MTCL1: variants seen among roughly 807,000 people sequenced by gnomAD.
MTCL1 encodes microtubule crosslinking factor 1, also known as microtubule cross-linking factor 1.
A neutral mutation model predicts 141.4 loss-of-function variants in MTCL1; 79 were observed. The ratio of observed to expected loss-of-function variants is 0.56; its 90% confidence interval spans 0.47 to 0.67. The LOEUF (loss-of-function observed/expected upper bound fraction) is 0.67, where lower values mean the gene tolerates loss of function less well. MTCL1 is among the 30% of genes least tolerant of loss of function. The pLI is 0.00. For missense variants in MTCL1, 2,177 were observed against 2,113.9 expected, an observed-to-expected ratio of 1.03 and a Z score of -0.59; for synonymous variants, 914 against 875.8, an observed-to-expected ratio of 1.04 and a Z score of -0.77.
At chr18:8,817,472 A>G (rs910355546) in intron 12 of MTCL1, among the ~76,000 whole-genome samples, 1 of 152,146 alleles carries the variant, frequency 6.6e-6, no homozygotes, top group Non-Finnish European at 1.5e-5. Context: ...TCAAAGGTAA[A>G]GATAAATCTC....
Position 8,831,318 on chromosome 18 carries a change from T to C in MTCL1, c.*19-289T>C, listed in dbSNP as rs966774505. 1.1e-5 allele frequency: 14 copies of C among 1,235,726 alleles called. No homozygotes were observed. The African/African-American group carries it at 1.4e-4, about 12-fold the overall frequency. 76.5% of individuals were successfully genotyped at this position (1,235,726 alleles called of 1,614,324 possible). Reference sequence around the variant, plus strand: ...GCCACAGTCACTGTGTCATGCCTTCTGTATACCCCAGCCCAATTCTAAAGG... The same window carrying C: ...GCCACAGTCACTGTGTCATGCCTTCCGTATACCCCAGCCCAATTCTAAAGG... On this transcript the variant is annotated intron_variant, in intron 16 of 16. Transcript: ENST00000359865.
At chr18:8,706,582 C>G (rs1348097393) in exon 1 of MTCL1, 2 of 1,491,584 alleles carry the variant, frequency 1.3e-6, no homozygotes, top group Non-Finnish European at 8.9e-7. Context: ...GCGCTCGCCA[C>G]CGGAGCGACC....
chr18:8,719,001 T>C (rs756622115), intron 3 of MTCL1, among the ~76,000 whole-genome samples: 9 of 151,922 alleles, frequency 5.9e-5, no homozygotes, highest in South Asian at 2.1e-4. Context: ...AAGGCCACTC[T>C]TAAAAGTTGA....
intron 4 of MTCL1, among the ~76,000 whole-genome samples, chr18:8,775,271 C>A (rs1012299075): frequency 6.6e-6 from 1 of 151,922 alleles, no homozygotes; most frequent in Non-Finnish European, 1.5e-5. Flanking sequence ...TCAGCTCATT[C>A]AAATAAAAGA....
intron 4 of MTCL1, among the ~76,000 whole-genome samples, chr18:8,759,387 C>G (rs570273435): frequency 6.6e-6 from 1 of 152,314 alleles, no homozygotes; most frequent in South Asian, 2.1e-4. Flanking sequence ...GGAAAGAATC[C>G]TGTTGATTTC....
At chr18:8,796,260 G>A (rs1598708062) in exon 9 of MTCL1, 1 of 1,614,140 alleles carries the variant, frequency 6.2e-7, no homozygotes, top group Non-Finnish European at 8.5e-7. Context: ...TATGCCTTGA[G>A]GTGGAAAGAA....
chr18:8,817,252 C>CTTTTTTTTTTT (rs35022661), intron 12 of MTCL1, among the ~76,000 whole-genome samples: 1 of 118,260 alleles, frequency 8.5e-6, no homozygotes, highest in African/African-American at 3.2e-5. Context: ...AAAGCCTTCC[C>CTTTTTTTTTTT]TTTTTTTTTT....
rs759621017 is a variant in MTCL1, at chr18:8,828,064, C to T, written c.4723-844C>T. On this transcript the variant is annotated intron_variant, in intron 15 of 16. Coordinates refer to ENST00000359865, the Ensembl canonical transcript of MTCL1. This position sits in a 1 kb window ranked among gnomAD's most constrained non-coding sequence, Gnocchi z 5.2. ...TTTCCATTTCTGTTGGAATTTTCCTCGTTCTAGATTCCAGTGGGATTGTTC... is the reference window on the plus strand; with the variant it reads ...TTTCCATTTCTGTTGGAATTTTCCTTGTTCTAGATTCCAGTGGGATTGTTC... 2.0e-5 allele frequency among the ~76,000 whole-genome samples: 3 copies of T among 152,286 alleles called. No homozygotes were observed. The highest frequency in any genetic ancestry group is 4.2e-4 in the South Asian group (2 of 4,808).
chr18:8,824,974 G>A lies in MTCL1; in HGVS notation c.3464G>A (p.Trp1155Ter). ...ACAGAGCCTTTCCCCGACTCCTCCT[G>A]GTACCTAACCACAAGTGTCACCATG... is the stretch of plus-strand genomic sequence containing the variant. The change falls in exon 15 of 17, where the codon TGG (tryptophan) becomes TAG (stop). Residue 1155 changes from tryptophan to a stop codon, truncating the protein, a stop_gained. Coordinates refer to ENST00000359865, the Ensembl canonical transcript of MTCL1. LOFTEE classifies it high-confidence loss of function. The A allele has an allele frequency of 6.2e-7, 1 of 1,613,456 alleles. No individual in the cohort carries two copies. The highest frequency in any genetic ancestry group is 8.5e-7 in the Non-Finnish European group (1 of 1,180,024).
intron 13 of MTCL1, among the ~76,000 whole-genome samples, chr18:8,820,408 CA>C (rs373662926): frequency 1.7e-4 from 25 of 143,380 alleles, no homozygotes; most frequent in Non-Finnish European, 2.3e-4. Flanking sequence ...AGACTCCATC[CA>C]AAAAAAAAAA....
At chr18:8,804,679 A>G (rs959850100) in intron 10 of MTCL1, among the ~76,000 whole-genome samples, 1 of 152,222 alleles carries the variant, frequency 6.6e-6, no homozygotes, top group Non-Finnish European at 1.5e-5. Context: ...AATATGAACA[A>G]ACTGGCCTTT....
At position 8,830,798 on chromosome 18, in the gene MTCL1, G is replaced by C; in HGVS notation, c.*19-809G>C. 5 of 985,326 alleles carry C rather than the reference G, an allele frequency of 5.1e-6. No individual in the cohort carries two copies. Among genetic ancestry groups the C allele is most frequent in the Non-Finnish European group, 6.0e-6 (5 of 829,922 alleles). The allele number at this position is 985,326 out of a possible 1,614,324, so 61.0% of individuals were successfully genotyped here. A position where few individuals can be genotyped will look rare whatever the true frequency, so the allele number is the denominator to read the frequency against. On this transcript the variant is annotated intron_variant, in intron 16 of 16. Coordinates refer to ENST00000359865, the Ensembl canonical transcript of MTCL1. The surrounding 1 kb of genome is among the most constrained non-coding windows in gnomAD (Gnocchi z 6.4). Reference sequence around the variant, plus strand: ...AGCAAATTCCAAATTTGGGTGTCCTGGTTTTGTAACATGTAAGGACAAGGA... The same window carrying C: ...AGCAAATTCCAAATTTGGGTGTCCTCGTTTTGTAACATGTAAGGACAAGGA...
At chr18:8,728,784 G>C (rs560020991) in intron 4 of MTCL1, among the ~76,000 whole-genome samples, 1,119 of 46,176 alleles carry the variant, frequency 0.024, 10 homozygotes, top group Admixed American at 0.037. Context: ...AGGCTGGAGT[G>C]CAGTGGCGTG....
chr18:8,737,718 A>G (rs149284638), intron 4 of MTCL1, among the ~76,000 whole-genome samples: 452 of 152,310 alleles, frequency 3.0e-3, no homozygotes, highest in African/African-American at 0.01. Flanking sequence ...TGACATACCC[A>G]TGGGGGGAAA....
At chr18:8,723,672 C>T (rs1167801199) in intron 4 of MTCL1, among the ~76,000 whole-genome samples, 1 of 152,176 alleles carries the variant, frequency 6.6e-6, no homozygotes, top group African/African-American at 2.4e-5. Context: ...ACTCATCGCC[C>T]CTTGCCCCAC....
At chr18:8,827,190 C>A (rs1016348786) in intron 15 of MTCL1, among the ~76,000 whole-genome samples, 7 of 152,222 alleles carry the variant, frequency 4.6e-5, no homozygotes, top group African/African-American at 1.7e-4. Context: ...AGGAGGAGGA[C>A]GGCAGCTTGC....
chr18:8,784,184 G>T lies in MTCL1; in HGVS notation c.1072G>T (p.Glu358Ter). 1 of 1,613,820 alleles carries T rather than the reference G, an allele frequency of 6.2e-7. No individual in the cohort carries two copies. ...CGGCAAGGTGCTCAAACTGCAGCAC[G>T]AGAACCACGCGCTGCTGTCCAACAT... The change falls in exon 6 of 17, where the codon GAG (glutamate) becomes TAG (stop). Residue 358 changes from glutamate (E) to a stop codon, truncating the protein, a stop_gained. Coordinates refer to ENST00000359865, the Ensembl canonical transcript of MTCL1. LOFTEE classifies it high-confidence loss of function.
chr18:8,725,780 T>TTTTTTTTTTG (rs2096204779), intron 4 of MTCL1, among the ~76,000 whole-genome samples: 1 of 51,428 alleles, frequency 1.9e-5, no homozygotes, highest in African/African-American at 1.2e-4. Context: ...CATTTTCTTT[T>TTTTTTTTTTG]TTTTTTTTTC....
In MTCL1 at chr18:8,822,488, G is replaced by T. The variant is rs1228488132; in HGVS notation, c.3188+990G>T. Among the ~76,000 whole-genome samples the T allele has an allele frequency of 6.6e-6, 1 of 152,006 alleles. No homozygotes were observed. The highest frequency in any genetic ancestry group is 1.5e-5 in the Non-Finnish European group (1 of 68,010). ...TGTCTTTTAATAGAAACAGAGTTTC[G>T]CCATGTTGGCCAGGCTGGTCTCGAA... On this transcript the variant is annotated intron_variant, in intron 14 of 16. Coordinates refer to ENST00000359865, the Ensembl canonical transcript of MTCL1. The surrounding 1 kb of genome is among the most constrained non-coding windows in gnomAD (Gnocchi z 4.6).
Sources: allele counts gnomAD v4.1 joint callset (sites outside exome capture counted in the v4.1 genomes callset), GRCh38; gene constraint gnomAD v4.1.1; non-coding constraint Gnocchi (gnomAD v3.1); transcripts MANE v1.5; gene names NCBI Gene and HGNC (gene_info 2026-07-23, HGNC 2026-07-21).